Variants in ARNT2 observed in about 807,000 individuals in gnomAD.
ARNT2 encodes the protein aryl hydrocarbon receptor nuclear translocator 2.
Under a neutral mutation model 91.7 loss-of-function variants are expected in ARNT2, and 36 were observed. The observed-to-expected ratio is 0.39, with a 90% CI of 0.30 to 0.52. ARNT2 has a LOEUF of 0.52. Among genes scored for constraint, ARNT2 ranks in the 20% least tolerant of loss-of-function variants. The probability of loss-of-function intolerance (pLI) is 0.72; values close to 1 mark genes in which losing one functional copy is unlikely to be tolerated. For synonymous variants in ARNT2, 365 were observed against 347.1 expected (o/e 1.05, Z -0.57); for missense variants, 775 against 939.3 (o/e 0.83, Z 2.29).
intron 4 of ARNT2, among the ~76,000 whole-genome samples, chr15:80,471,392 G>A (rs1896729138): frequency 6.6e-6 from 1 of 152,206 alleles, no homozygotes; most frequent in Admixed American, 6.5e-5. Context: ...TGGAGGTTGG[G>A]AGGAGGGAGA....
At chr15:80,414,477 C>G (rs1895748524) in intron 1 of ARNT2, among the ~76,000 whole-genome samples, 1 of 152,050 alleles carries the variant, frequency 6.6e-6, no homozygotes, top group South Asian at 2.1e-4. Context: ...AAGGGCTGGC[C>G]CCTTTAAAAC....
At chr15:80,443,102 A>G (rs1453629559) in intron 1 of ARNT2, 1 of 891,758 alleles carries the variant, frequency 1.1e-6, no homozygotes, top group Non-Finnish European at 1.3e-6. Context: ...GGCCTCCTTG[A>G]GGAGTGATAT....
At chr15:80,592,972 T>C (rs911439978) in intron 18 of ARNT2, among the ~76,000 whole-genome samples, 2 of 152,236 alleles carry the variant, frequency 1.3e-5, no homozygotes, top group African/African-American at 4.8e-5. Context: ...TTTCCCAAAC[T>C]TATTTGTCCA....
chr15:80,496,007 G>C (rs1456746669), intron 5 of ARNT2, among the ~76,000 whole-genome samples: 1 of 152,214 alleles, frequency 6.6e-6, no homozygotes, highest in African/African-American at 2.4e-5. Flanking sequence ...TACCAGCTGA[G>C]TTGGTTTCAT....
At chr15:80,566,978 C>T (rs936154420) in intron 12 of ARNT2, among the ~76,000 whole-genome samples, 1 of 152,206 alleles carries the variant, frequency 6.6e-6, no homozygotes, top group Non-Finnish European at 1.5e-5. Flanking sequence ...TATTGTCTCA[C>T]TTCTCCCAAC....
At chr15:80,559,831 G>A (rs1898293567) in intron 11 of ARNT2, among the ~76,000 whole-genome samples, 1 of 152,212 alleles carries the variant, frequency 6.6e-6, no homozygotes, top group Admixed American at 6.5e-5. Flanking sequence ...GCCAGGCTAA[G>A]CCGGGTTTTA....
intron 8 of ARNT2, among the ~76,000 whole-genome samples, chr15:80,520,045 C>G (rs1897514246): frequency 6.7e-6 from 1 of 149,554 alleles, no homozygotes; most frequent in African/African-American, 2.5e-5. Flanking sequence ...ATTTAGGAAC[C>G]AAATGGAAGG....
intron 10 of ARNT2, 125 bp from the exon 11 acceptor site, chr15:80,554,940 C>A: frequency 4.1e-6 from 4 of 983,622 alleles, no homozygotes; most frequent in South Asian, 1.9e-5. Flanking sequence ...TTCAAAAAAT[C>A]TGGGGTGGGA....
intron 1 of ARNT2, among the ~76,000 whole-genome samples, chr15:80,430,041 G>T (rs1438749361): frequency 1.3e-5 from 2 of 152,070 alleles, no homozygotes; most frequent in Non-Finnish European, 2.9e-5. Flanking sequence ...TGTCCTTGAG[G>T]CCCCACCAGC....
chr15:80,575,558 C>A (rs1012352537), intron 14 of ARNT2, among the ~76,000 whole-genome samples: 1 of 152,202 alleles, frequency 6.6e-6, no homozygotes, highest in Non-Finnish European at 1.5e-5. Context: ...CCTTCTCTCT[C>A]GTGTAAAATT....
chr15:80,592,938 A>AG (rs1372101066), intron 18 of ARNT2, among the ~76,000 whole-genome samples: 2 of 152,218 alleles, frequency 1.3e-5, no homozygotes, highest in Non-Finnish European at 2.9e-5. Context: ...CTGGATTTCT[A>AG]GGAGGTAGGC....
At chr15:80,507,204 G>A (rs1279506001) in intron 5 of ARNT2, among the ~76,000 whole-genome samples, 1 of 152,186 alleles carries the variant, frequency 6.6e-6, no homozygotes, top group Non-Finnish European at 1.5e-5. Context: ...AGGGAGGGGA[G>A]AGGGTAGAAA....
At chr15:80,451,655 C>A (rs1896393025) in intron 2 of ARNT2, among the ~76,000 whole-genome samples, 1 of 152,018 alleles carries the variant, frequency 6.6e-6, no homozygotes, top group Non-Finnish European at 1.5e-5. Context: ...ACCAACCAAC[C>A]AACCAACCAA....
intron 1 of ARNT2, among the ~76,000 whole-genome samples, chr15:80,413,253 C>T (rs1183958898): frequency 6.6e-6 from 1 of 152,208 alleles, no homozygotes; most frequent in African/African-American, 2.4e-5. Context: ...GTTCTCCCTC[C>T]ACCCCCTCCC....
chr15:80,527,560 A>C (rs1897658280), intron 8 of ARNT2, among the ~76,000 whole-genome samples: 3 of 152,220 alleles, frequency 2.0e-5, no homozygotes, highest in African/African-American at 7.2e-5. Flanking sequence ...TGATGATTCC[A>C]GTTTTCATTT....
chr15:80,563,238 A>G lies in ARNT2; in HGVS notation c.1315A>G (p.Lys439Glu). 6.2e-7 allele frequency: 1 copy of G among 1,614,050 alleles called. No homozygotes were observed. The change falls in exon 12 of 19, where the codon AAG (lysine) becomes GAG (glutamate). Residue 439 changes from lysine to glutamate, a missense_variant and splice_region_variant. Physicochemically the swap from Lys to Glu is moderately conservative, Grantham distance 56. Around this residue, in one of 5 missense-constraint regions of ARNT2, gnomAD observed 325 missense variants for 359.9 expected, o/e 0.90. Transcript: ENST00000303329. ...EYIICTNTNVKQLQQQQAELE... is the reference protein window; with the variant it reads ...EYIICTNTNVEQLQQQQAELE... ...CATCATCTGCACCAACACCAACGTC[A>G]AGTACGTACACTGCCATTTCCCTCT...
At chr15:80,507,764 C>T (rs532173114) in intron 5 of ARNT2, among the ~76,000 whole-genome samples, 4 of 152,214 alleles carry the variant, frequency 2.6e-5, no homozygotes, top group South Asian at 2.1e-4. Flanking sequence ...AGTGCGCGGT[C>T]GCATAAAGCC....
rs180724565 is a variant in ARNT2 at position 80,509,716 on chromosome 15, T to C, written c.725+1458T>C. ...CTTTTGAGCAGAGACCTAAAGAAAG[T>C]GAGTGAATGAAACAAGGGAATGTCT... On this transcript the variant is annotated intron_variant, in intron 6 of 18. Transcript: ENST00000303329. 4.6e-5 allele frequency among the ~76,000 whole-genome samples: 7 copies of C among 151,788 alleles called. No individual in the cohort carries two copies. In the East Asian group the frequency reaches 1.2e-3, roughly 25 times the overall value.
At chr15:80,510,568 T>C (rs1463277391) in intron 6 of ARNT2, among the ~76,000 whole-genome samples, 6 of 152,066 alleles carry the variant, frequency 3.9e-5, no homozygotes, top group Admixed American at 1.3e-4. Context: ...AGGTGGCTCA[T>C]GCCTGTAATC....
Sources: allele counts gnomAD v4.1 joint callset (sites outside exome capture counted in the v4.1 genomes callset), GRCh38; gene constraint gnomAD v4.1.1; regional missense constraint gnomAD v4.1.1; transcripts MANE v1.5; gene names NCBI Gene and HGNC (gene_info 2026-07-23, HGNC 2026-07-21).